FAM135B: variants seen among roughly 807,000 people sequenced by gnomAD.
FAM135B encodes the protein family with sequence similarity 135 member B, also known as protein FAM135B.
A neutral mutation model predicts 127.7 loss-of-function variants in FAM135B; 43 were observed. The observed-to-expected ratio is 0.34, with a 90% confidence interval of 0.26 to 0.43. The LOEUF (loss-of-function observed/expected upper bound fraction) is 0.43. Among genes scored for constraint, FAM135B ranks in the 20% least tolerant of loss-of-function variants. The pLI, the probability that FAM135B is intolerant of heterozygous loss-of-function variation, is 1.00. For synonymous variants in FAM135B, 670 were observed against 665.1 expected, an observed-to-expected ratio of 1.01 and a Z score of -0.11; for missense variants, 1,558 against 1,725.6, an observed-to-expected ratio of 0.90 and a Z score of 1.72.
At chr8:138,314,793 T>A (rs1826953230) in intron 2 of FAM135B, among the ~76,000 whole-genome samples, 1 of 145,732 alleles carries the variant, frequency 6.9e-6, no homozygotes, top group African/African-American at 2.6e-5. Flanking sequence ...GGTGGGAAAA[T>A]CACTTGAGAA....
At chr8:138,397,801 T>C (rs1832928983) in intron 1 of FAM135B, among the ~76,000 whole-genome samples, 1 of 152,130 alleles carries the variant, frequency 6.6e-6, no homozygotes, top group African/African-American at 2.4e-5. Flanking sequence ...TGATGGCTCA[T>C]GTTCGGGTCC....
intron 7 of FAM135B, among the ~76,000 whole-genome samples, chr8:138,226,184 T>TGTGTGCGTGTGTGCGCGCGCGCGC: frequency 7.2e-6 from 1 of 139,292 alleles, no homozygotes; most frequent in Admixed American, 7.1e-5. Context: ...TGTGTGTGTG[T>TGTGTGCGTGTGTGCGCGCGCGCGC]GCGCGCATGT....
intron 3 of FAM135B, among the ~76,000 whole-genome samples, chr8:138,295,102 C>CTTTTTTTTTTTTTTTTT (rs527258472): frequency 2.4e-5 from 2 of 82,196 alleles, no homozygotes; most frequent in African/African-American, 9.9e-5. Flanking sequence ...CTTGCTGGTG[C>CTTTTTTTTTTTTTTTTT]TTTTTTTTTT....
chr8:138,336,284 T>C (rs1414272894), intron 2 of FAM135B, among the ~76,000 whole-genome samples: 1 of 151,928 alleles, frequency 6.6e-6, no homozygotes, highest in Admixed American at 6.6e-5. Flanking sequence ...AATAGAGACA[T>C]AAAAAGCCCT....
chr8:138,318,988 T>C (rs1233674708), intron 2 of FAM135B, among the ~76,000 whole-genome samples: 2 of 152,240 alleles, frequency 1.3e-5, no homozygotes, highest in African/African-American at 4.8e-5. Context: ...AGGATGTCTT[T>C]AATGTACTTA....
intron 4 of FAM135B, among the ~76,000 whole-genome samples, chr8:138,261,969 C>A (rs1179261921): frequency 1.3e-5 from 2 of 152,190 alleles, no homozygotes; most frequent in South Asian, 2.1e-4. Flanking sequence ...ACAGTGTTTA[C>A]AGACATATCC....
At chr8:138,216,845 C>T (rs16908595) in intron 7 of FAM135B, among the ~76,000 whole-genome samples, 154 of 152,242 alleles carry the variant, frequency 1.0e-3, no homozygotes, top group African/African-American at 3.6e-3. Flanking sequence ...TGAAAGACAG[C>T]TACAATCCTA....
At chr8:138,467,366 A>T (rs1476585127) in intron 1 of FAM135B, among the ~76,000 whole-genome samples, 1 of 152,226 alleles carries the variant, frequency 6.6e-6, no homozygotes, top group Non-Finnish European at 1.5e-5. Flanking sequence ...GGTAGTCACT[A>T]GCCACATGTG....
At chr8:138,404,659 C>A (rs1332179306) in intron 1 of FAM135B, among the ~76,000 whole-genome samples, 1 of 152,120 alleles carries the variant, frequency 6.6e-6, no homozygotes, top group South Asian at 2.1e-4. Flanking sequence ...TCAACAATGA[C>A]AACGACTTCA....
At chr8:138,283,663 G>A (rs1419737630) in intron 3 of FAM135B, among the ~76,000 whole-genome samples, 1 of 152,000 alleles carries the variant, frequency 6.6e-6, no homozygotes, top group South Asian at 2.1e-4. Context: ...AATGGGAGAT[G>A]TTGATAATGG....
chr8:138,233,337 C>G (rs1278826728), intron 7 of FAM135B, among the ~76,000 whole-genome samples: 6 of 152,130 alleles, frequency 3.9e-5, no homozygotes, highest in African/African-American at 1.4e-4. Flanking sequence ...GTGGTTTTAA[C>G]ATAATAATAG....
At chr8:138,367,571 C>G (rs1219553587) in intron 2 of FAM135B, among the ~76,000 whole-genome samples, 1 of 152,052 alleles carries the variant, frequency 6.6e-6, no homozygotes, top group African/African-American at 2.4e-5. Flanking sequence ...CTCCTTTTTA[C>G]CACAGCTACA....
intron 1 of FAM135B, among the ~76,000 whole-genome samples, chr8:138,458,678 G>A (rs1364651272): frequency 6.6e-6 from 1 of 152,142 alleles, no homozygotes; most frequent in Non-Finnish European, 1.5e-5. Context: ...TGTATTGTCT[G>A]TGGCTGCTTC....
intron 4 of FAM135B, among the ~76,000 whole-genome samples, chr8:138,262,191 G>T (rs1221223469): frequency 2.0e-5 from 3 of 152,166 alleles, no homozygotes; most frequent in African/African-American, 4.8e-5. Flanking sequence ...TAAGGTTGAG[G>T]GTTGGGAAGG....
In FAM135B at chr8:138,299,960, G is replaced by GTATT. The variant is rs900486450; in HGVS notation, c.157+10877_157+10880dup. ...AGTGGGATCACCAAAAGTGAGAGTG[G>GTATT]TATTTATTTATTTATTTATTTATTT... On this transcript the variant is annotated intron_variant, in intron 3 of 19. Coordinates refer to ENST00000395297, the MANE Select transcript of FAM135B (RefSeq NM_015912.4). 6.7e-3 allele frequency among the ~76,000 whole-genome samples: 1,009 copies of GTATT among 150,152 alleles called. 3 individuals are homozygous for GTATT. Among genetic ancestry groups the GTATT allele is most frequent in the African/African-American group, 0.019 (788 of 41,200 alleles).
chr8:138,440,306 AC>A (rs1712039527), intron 1 of FAM135B: 1 of 152,118 alleles, frequency 6.6e-6, no homozygotes, highest in African/African-American at 2.4e-5. Context: ...TTCTGGGGTT[AC>A]TTTCAACCAA....
intron 1 of FAM135B, among the ~76,000 whole-genome samples, chr8:138,480,198 G>A (rs1336101298): frequency 2.6e-5 from 4 of 152,180 alleles, no homozygotes; most frequent in Non-Finnish European, 5.9e-5. Context: ...GGGACTCCCT[G>A]GGACAAGAGA....
chr8:138,172,266 C>T (rs1353811206), intron 11 of FAM135B, among the ~76,000 whole-genome samples: 1 of 152,170 alleles, frequency 6.6e-6, no homozygotes, highest in African/African-American at 2.4e-5. Context: ...CCACCCCTGC[C>T]ATCCCTGTAA....
chr8:138,352,714 T>C (rs1337307947), intron 2 of FAM135B, among the ~76,000 whole-genome samples: 1 of 152,236 alleles, frequency 6.6e-6, no homozygotes, highest in African/African-American at 2.4e-5. Context: ...TAGGAGGGTA[T>C]TGAGAATGTT....
Sources: allele counts gnomAD v4.1 joint callset (sites outside exome capture counted in the v4.1 genomes callset), GRCh38; gene constraint gnomAD v4.1.1; transcripts MANE v1.5; gene names NCBI Gene and HGNC (gene_info 2026-07-23, HGNC 2026-07-21).